GRID2: variants seen among roughly 807,000 people sequenced by gnomAD.
The protein encoded by GRID2 is glutamate ionotropic receptor delta type subunit 2, also known as glutamate receptor ionotropic, delta-2.
A neutral mutation model predicts 114.8 loss-of-function variants in GRID2; 33 were observed. That is an observed-to-expected ratio of 0.29 (90% confidence interval 0.22 to 0.38). The LOEUF (loss-of-function observed/expected upper bound fraction) is 0.38, where lower values mean the gene tolerates loss of function less well. GRID2 is among the 10% of genes least tolerant of loss of function. The pLI, the probability that GRID2 is intolerant of heterozygous loss-of-function variation, is 1.00. For missense variants in GRID2, 1,184 were observed against 1,257.7 expected, an observed-to-expected ratio of 0.94 and a Z score of 0.89; for synonymous variants, 505 against 449.9, an observed-to-expected ratio of 1.12 and a Z score of -1.55.
At chr4:93,498,084 C>T (rs978912402) in intron 12 of GRID2, among the ~76,000 whole-genome samples, 3 of 151,756 alleles carry the variant, frequency 2.0e-5, no homozygotes, top group East Asian at 1.9e-4. Flanking sequence ...TGATTACAAA[C>T]GTTCTTGGTA....
At chr4:93,472,747 A>G (rs1724964811) in intron 11 of GRID2, among the ~76,000 whole-genome samples, 2 of 152,198 alleles carry the variant, frequency 1.3e-5, no homozygotes, top group African/African-American at 4.8e-5. Flanking sequence ...GAAGATAGAT[A>G]TTCATTAAAG....
intron 1 of GRID2, among the ~76,000 whole-genome samples, chr4:92,312,823 T>A (rs527854645): frequency 6.6e-6 from 1 of 152,024 alleles, no homozygotes; most frequent in Non-Finnish European, 1.5e-5. Context: ...CAGGGAACAC[T>A]TCTACACTGC....
chr4:93,733,589 C>T (rs1474090963), intron 14 of GRID2, among the ~76,000 whole-genome samples: 4 of 152,126 alleles, frequency 2.6e-5, no homozygotes, highest in African/African-American at 9.6e-5. Flanking sequence ...TGTCTACCTA[C>T]CTACCTGTCT....
chr4:93,013,684 A>G (rs974062885), intron 2 of GRID2, among the ~76,000 whole-genome samples: 1 of 151,976 alleles, frequency 6.6e-6, no homozygotes, highest in South Asian at 2.1e-4. Flanking sequence ...CCTTGCATAT[A>G]TCCTACCTAT....
rs543582664 is a variant in GRID2, at chr4:92,957,426, A to G, written c.245-127569A>G. 7.2e-4 allele frequency among the ~76,000 whole-genome samples: 109 copies of G among 151,848 alleles called. 1 individual carries two copies. The South Asian group carries it at 0.022, about 30-fold the overall frequency. On this transcript the variant is annotated intron_variant, in intron 2 of 15. Transcript: ENST00000282020. Reference sequence around the variant, plus strand: ...GAAAAAATTTCCTTTTCTCCACTGTATTGTCTTTTCGCCTTTGTCAAAGAT... The same window carrying G: ...GAAAAAATTTCCTTTTCTCCACTGTGTTGTCTTTTCGCCTTTGTCAAAGAT...
intron 8 of GRID2, among the ~76,000 whole-genome samples, chr4:93,390,223 A>G (rs1764721683): frequency 6.6e-6 from 1 of 152,208 alleles, no homozygotes; most frequent in Non-Finnish European, 1.5e-5. Context: ...TGGATGGAGC[A>G]TCAGAATTTT....
At chr4:92,780,924 G>A (rs1002341311) in intron 2 of GRID2, among the ~76,000 whole-genome samples, 4 of 152,034 alleles carry the variant, frequency 2.6e-5, no homozygotes, top group Non-Finnish European at 5.9e-5. Flanking sequence ...ACTTGTCAGG[G>A]TTTTTGATCG....
chr4:93,779,343 C>T (rs1006079480), downstream of GRID2, among the ~76,000 whole-genome samples: 2 of 152,058 alleles, frequency 1.3e-5, no homozygotes, highest in Non-Finnish European at 2.9e-5. Flanking sequence ...ACTATTAGCA[C>T]GGTACCCTAG....
chr4:92,355,417 A>C lies in GRID2; in HGVS notation c.88+50673A>C, dbSNP rs1340491239. Among the ~76,000 whole-genome samples, 3 of 151,866 alleles carry C rather than the reference A, an allele frequency of 2.0e-5. No individual in the cohort carries two copies. In the East Asian group the frequency reaches 5.8e-4, roughly 29 times the overall value. On this transcript the variant is annotated intron_variant, in intron 1 of 15. Transcript: ENST00000282020. ...TTGAGCAATTATTAGCATTTAGACT[A>C]TAGATTTTTATGAAGTAAATATTTA...
chr4:93,734,489 A>C (rs1730759184), intron 14 of GRID2, among the ~76,000 whole-genome samples: 1 of 152,066 alleles, frequency 6.6e-6, no homozygotes, highest in Non-Finnish European at 1.5e-5. Flanking sequence ...CATAACATAC[A>C]TAAAATCACC....
At chr4:92,811,644 A>G (rs1414962122) in intron 2 of GRID2, among the ~76,000 whole-genome samples, 1 of 152,116 alleles carries the variant, frequency 6.6e-6, no homozygotes, top group African/African-American at 2.4e-5. Context: ...TGAGTCAGGA[A>G]AATTGACCTA....
intron 2 of GRID2, among the ~76,000 whole-genome samples, chr4:92,757,793 T>G (rs946862790): frequency 6.6e-6 from 1 of 151,956 alleles, no homozygotes; most frequent in Non-Finnish European, 1.5e-5. Flanking sequence ...GCTGTGTTTT[T>G]GGAAGCAGGG....
At chr4:93,650,110 T>C (rs549609827) in intron 14 of GRID2, among the ~76,000 whole-genome samples, 1 of 152,206 alleles carries the variant, frequency 6.6e-6, no homozygotes, top group East Asian at 1.9e-4. Context: ...GGTTAACTCC[T>C]GCTCAATTTC....
chr4:93,117,548 T>A (rs1263232229), intron 4 of GRID2, among the ~76,000 whole-genome samples: 1 of 152,100 alleles, frequency 6.6e-6, no homozygotes, highest in Non-Finnish European at 1.5e-5. Context: ...AAAACTTGAG[T>A]TGTTAGTAAT....
rs112488842 is a variant in GRID2 at position 93,630,192 on chromosome 4, C to CT, written c.2360+3766dup. Among the ~76,000 whole-genome samples the CT allele has an allele frequency of 6.4e-3, 970 of 151,374 alleles. 14 individuals carry two copies. The highest frequency in any genetic ancestry group is 0.022 in the African/African-American group (888 of 41,294). Reference sequence around the variant, plus strand: ...CTTGGCAGCAGAAGTTAAAGTCAGTCTTTTTTTTTGGTCATCAGATGTGTG... The same window carrying CT: ...CTTGGCAGCAGAAGTTAAAGTCAGTCTTTTTTTTTTGGTCATCAGATGTGTG... On this transcript the variant is annotated intron_variant, in intron 14 of 15. Coordinates refer to ENST00000282020, the MANE Select transcript of GRID2 (RefSeq NM_001510.4).
At chr4:92,853,838 T>C (rs985664581) in intron 2 of GRID2, among the ~76,000 whole-genome samples, 11 of 151,884 alleles carry the variant, frequency 7.2e-5, no homozygotes, top group African/African-American at 2.4e-4. Flanking sequence ...TGTGGACTTC[T>C]AGAGGTTGGA....
At chr4:93,805,733 C>A (rs1318440340) in intron 1 of GRID2, among the ~76,000 whole-genome samples, 3 of 152,148 alleles carry the variant, frequency 2.0e-5, no homozygotes, top group Admixed American at 2.0e-4. Flanking sequence ...GTTTTTGATT[C>A]TGTTATTTAA....
At chr4:92,705,834 G>T (rs754953124) in intron 2 of GRID2, among the ~76,000 whole-genome samples, 52 of 152,284 alleles carry the variant, frequency 3.4e-4, no homozygotes, top group Middle Eastern at 6.8e-3. Context: ...TCTTTGTCCT[G>T]CTGTATCACC....
intron 2 of GRID2, among the ~76,000 whole-genome samples, chr4:92,842,649 C>T (rs1174435043): frequency 6.6e-6 from 1 of 151,780 alleles, no homozygotes; most frequent in Admixed American, 6.6e-5. Flanking sequence ...TTTCTCCTTG[C>T]CTAGAAGAGC....
Sources: gnomAD v4.1 joint callset for allele counts (sites outside exome capture counted in the v4.1 genomes callset) on GRCh38, gnomAD v4.1.1 for gene constraint, MANE v1.5 for transcripts, NCBI Gene and HGNC (gene_info 2026-07-23, HGNC 2026-07-21) for gene names.